ASIC2: variants seen among roughly 807,000 people sequenced by gnomAD.
ASIC2 encodes acid sensing ion channel subunit 2, also known as acid-sensing ion channel 2.
In ASIC2, 25 loss-of-function variants were observed where a neutral mutation model predicts 57.3. The observed-to-expected ratio is 0.44, with a 90% CI of 0.32 to 0.61. The LOEUF is 0.61. ASIC2 is among the 20% of genes least tolerant of loss of function. The probability of loss-of-function intolerance (pLI) is 0.06; values close to 1 mark genes in which losing one functional copy is unlikely to be tolerated. For missense variants in ASIC2, 641 were observed against 738.1 expected, an observed-to-expected ratio of 0.87 and a Z score of 1.52; for synonymous variants, 319 against 307.5, an observed-to-expected ratio of 1.04 and a Z score of -0.39.
Position 33,714,523 on chromosome 17 carries a change from A to T in ASIC2, c.555+441455T>A, listed in dbSNP as rs537235078. Among the ~76,000 whole-genome samples the T allele has an allele frequency of 3.3e-5, 5 of 152,368 alleles. No individual in the cohort carries two copies. The South Asian group carries it at 1.0e-3, about 32-fold the overall frequency. On this transcript the variant is annotated intron_variant, in intron 1 of 9. Transcript: ENST00000359872. ...AAAACACTACATACTGAATGGTGCC[A>T]TTTGTGTTAAATAAAAACACACCAA...
chr17:33,073,556 G>A (rs1321566417), intron 3 of ASIC2, among the ~76,000 whole-genome samples: 1 of 152,208 alleles, frequency 6.6e-6, no homozygotes. Flanking sequence ...AGGAGCTGGT[G>A]CACGGTGCTC....
intron 1 of ASIC2, among the ~76,000 whole-genome samples, chr17:33,125,429 T>C (rs1286559251): frequency 1.3e-5 from 2 of 152,242 alleles, no homozygotes; most frequent in African/African-American, 4.8e-5. Flanking sequence ...GTTTTCATTG[T>C]GCCACAGTTC....
chr17:33,149,880 C>T (rs763972865), intron 1 of ASIC2, among the ~76,000 whole-genome samples: 20 of 151,976 alleles, frequency 1.3e-4, no homozygotes, highest in Non-Finnish European at 2.1e-4. Flanking sequence ...TTGAAAGTAC[C>T]ATTCTTGAAG....
At chr17:33,918,078 G>C (rs1915627150) in intron 1 of ASIC2, among the ~76,000 whole-genome samples, 1 of 152,128 alleles carries the variant, frequency 6.6e-6, no homozygotes, top group Non-Finnish European at 1.5e-5. Flanking sequence ...AGTAAGGATG[G>C]ACGACATCCT....
At chr17:33,320,141 C>T (rs138411614) in intron 1 of ASIC2, among the ~76,000 whole-genome samples, 3 of 152,234 alleles carry the variant, frequency 2.0e-5, no homozygotes, top group East Asian at 1.9e-4. Flanking sequence ...ACCAGCCCTG[C>T]GTGTGAGAAA....
chr17:33,444,577 C>T (rs1911945041), intron 1 of ASIC2, among the ~76,000 whole-genome samples: 1 of 152,224 alleles, frequency 6.6e-6, no homozygotes, highest in Non-Finnish European at 1.5e-5. Context: ...CCCAGGCTCC[C>T]TCCCCCGGTT....
chr17:33,932,288 A>C (rs1269391327), intron 1 of ASIC2, among the ~76,000 whole-genome samples: 1 of 152,224 alleles, frequency 6.6e-6, no homozygotes, highest in Non-Finnish European at 1.5e-5. Flanking sequence ...GATATGCTAT[A>C]AGTGTACAGT....
intron 1 of ASIC2, among the ~76,000 whole-genome samples, chr17:33,556,385 G>A (rs1325549507): frequency 1.3e-5 from 2 of 152,220 alleles, no homozygotes; most frequent in Admixed American, 6.5e-5. Context: ...CACTCACCTT[G>A]GCTTGAGAAT....
chr17:33,451,481 T>G (rs1912246960), intron 1 of ASIC2, among the ~76,000 whole-genome samples: 1 of 152,152 alleles, frequency 6.6e-6, no homozygotes, highest in South Asian at 2.1e-4. Context: ...GCTCCCCATC[T>G]CAGTAGTCAG....
At chr17:33,775,096 TC>T (rs1911225693) in intron 1 of ASIC2, among the ~76,000 whole-genome samples, 3 of 152,122 alleles carry the variant, frequency 2.0e-5, no homozygotes, top group Admixed American at 2.0e-4. Flanking sequence ...AGCGATCCCA[TC>T]CGGGCTTGGG....
chr17:33,227,985 A>G (rs1304168812), intron 1 of ASIC2, among the ~76,000 whole-genome samples: 2 of 152,084 alleles, frequency 1.3e-5, no homozygotes. Flanking sequence ...GAGAGATGAG[A>G]GAGTATGGGG....
intron 1 of ASIC2, among the ~76,000 whole-genome samples, chr17:33,412,461 G>A (rs1910696392): frequency 6.6e-6 from 1 of 152,198 alleles, no homozygotes; most frequent in Non-Finnish European, 1.5e-5. Context: ...TCCTCCCTAT[G>A]CAACAGTCCT....
At chr17:33,925,644 G>A (rs1040871231) in intron 1 of ASIC2, among the ~76,000 whole-genome samples, 1 of 152,196 alleles carries the variant, frequency 6.6e-6, no homozygotes, top group Non-Finnish European at 1.5e-5. Context: ...TGGGCACCAC[G>A]TTCCCCTCAT....
chr17:33,592,836 C>A (rs1453743406), intron 1 of ASIC2, among the ~76,000 whole-genome samples: 2 of 152,200 alleles, frequency 1.3e-5, no homozygotes, highest in African/African-American at 4.8e-5. Context: ...AGTAGAAGGT[C>A]TTTGACCCTA....
intron 1 of ASIC2, among the ~76,000 whole-genome samples, chr17:33,732,284 A>G (rs866446418): frequency 6.6e-6 from 1 of 152,196 alleles, no homozygotes; most frequent in Non-Finnish European, 1.5e-5. Flanking sequence ...AGGAAGACCA[A>G]AGGAGTCATT....
chr17:33,966,110 C>A (rs1209514713), intron 1 of ASIC2, among the ~76,000 whole-genome samples: 8 of 152,370 alleles, frequency 5.3e-5, no homozygotes, highest in African/African-American at 1.9e-4. Context: ...AAATTACCCA[C>A]AATGAACAAT....
intron 1 of ASIC2, among the ~76,000 whole-genome samples, chr17:33,356,456 G>A (rs770917385): frequency 2.0e-5 from 3 of 152,070 alleles, no homozygotes; most frequent in African/African-American, 7.2e-5. Flanking sequence ...CATGCTGGGC[G>A]GACATTGGAC....
Position 33,292,761 on chromosome 17 carries a change from C to T in ASIC2, c.-646G>A. The T allele has an allele frequency of 1.0e-6, 1 of 986,042 alleles. No homozygotes were observed. Among genetic ancestry groups the T allele is most frequent in the South Asian group, 4.7e-5 (1 of 21,298 alleles). 61.1% of individuals were successfully genotyped at this position (986,042 alleles called of 1,614,324 possible). On this transcript the variant is annotated 5_prime_UTR_variant, in exon 1 of 10. Coordinates refer to ENST00000225823, the MANE Select transcript of ASIC2 (RefSeq NM_183377.2). ...TGGTCGCCTTGCCGGCTGCCGCCTT[C>T]TTTCCCTTCCCCTCCAGGACCCTTC...
chr17:34,133,275 T>C (rs1306566972), intron 1 of ASIC2, among the ~76,000 whole-genome samples: 5 of 140,102 alleles, frequency 3.6e-5, no homozygotes, highest in African/African-American at 1.3e-4. Flanking sequence ...ATTTTCTACT[T>C]TTATTTTTGT....
Sources: allele counts gnomAD v4.1 joint callset (sites outside exome capture counted in the v4.1 genomes callset), GRCh38; gene constraint gnomAD v4.1.1; transcripts MANE v1.5; gene names NCBI Gene and HGNC (gene_info 2026-07-23, HGNC 2026-07-21).